DNAH11: variants seen among roughly 807,000 people sequenced by gnomAD.
DNAH11 encodes the protein dynein axonemal heavy chain 11, also known as axonemal beta dynein heavy chain 11.
DNAH11 carries 442 observed loss-of-function variants against 526.0 expected under a neutral mutation model. The observed-to-expected ratio is 0.84, with a 90% CI of 0.78 to 0.91. DNAH11 has a LOEUF of 0.91. DNAH11 is among the 40% of genes least tolerant of loss of function. DNAH11 has a pLI of 0.00. For synonymous variants in DNAH11, 2,461 were observed against 1,935.9 expected, an observed-to-expected ratio of 1.27 and a Z score of -7.12; for missense variants, 6,989 against 5,448.7, an observed-to-expected ratio of 1.28 and a Z score of -8.90.
chr7:21,648,426 C>G (rs562856865), intron 28 of DNAH11, among the ~76,000 whole-genome samples: 2 of 152,198 alleles, frequency 1.3e-5, no homozygotes, highest in Non-Finnish European at 2.9e-5. Flanking sequence ...TATATCATCA[C>G]TTGCCCTTTT....
chr7:21,775,770 C>T (rs1387701839), intron 56 of DNAH11, among the ~76,000 whole-genome samples: 2 of 152,102 alleles, frequency 1.3e-5, no homozygotes, highest in South Asian at 2.1e-4. Context: ...GAAAGATTTT[C>T]CCTGGAGTCC....
chr7:21,691,179 T>C lies in DNAH11; in HGVS notation c.6041+298T>C, dbSNP rs1262140839. 8.9e-5 allele frequency among the ~76,000 whole-genome samples: 6 copies of C among 67,592 alleles called. No homozygotes were observed. In the African/African-American group the frequency reaches 1.4e-3, roughly 15 times the overall value. 44.3% of individuals were successfully genotyped at this position (67,592 alleles called of 152,430 possible). A position where few individuals can be genotyped will look rare whatever the true frequency, so the allele number is the denominator to read the frequency against. On this transcript the variant is annotated intron_variant, in intron 35 of 81. Transcript: ENST00000409508. ...ATAATCTTTCATAATTTTTTTTTTC[T>C]TTTTTTTTTTTTAACAGTCAAAGTG...
chr7:21,842,834 A>T (rs1782268715), intron 66 of DNAH11, 86 bp downstream of exon 66: 5 of 1,187,664 alleles, frequency 4.2e-6, no homozygotes, highest in East Asian at 2.6e-5. Context: ...ATAAAATAGG[A>T]TTCCTGCCCT....
Position 21,581,960 on chromosome 7 carries a change from G to A in DNAH11, c.1649G>A (p.Arg550Lys). The A allele has an allele frequency of 1.2e-6, 2 of 1,613,362 alleles. No homozygotes were observed. The highest frequency in any genetic ancestry group is 1.7e-4 in the Middle Eastern group (1 of 6,038). ...TCCAAAACTCTGGAATTTGACAGAA[G>A]GCTTGGGACAATTATTTGTGAAGCT... ...FKSKTLEFDR[R>K]LGTIICEAFF... is the part of the protein sequence containing the mutation. Residue 550 changes from arginine to lysine, a missense_variant, in exon 9 of 82, where the codon AGG (arginine) becomes AAG (lysine). Transcript: ENST00000409508.
At position 21,901,806 on chromosome 7, in the gene DNAH11, A is replaced by C. The variant is rs1784881362; in HGVS notation, c.*552A>C. 1 of 164,550 alleles carries C rather than the reference A, an allele frequency of 6.1e-6. No homozygotes were observed. Among genetic ancestry groups the C allele is most frequent in the Non-Finnish European group, 1.3e-5 (1 of 74,670 alleles). The allele number at this position is 164,550 out of a possible 1,614,324, so 10.2% of individuals were successfully genotyped here. A position where few individuals can be genotyped will look rare whatever the true frequency, so the allele number is the denominator to read the frequency against. ...TTGATGGTCCCCTTTTGTTCAGTCA[A>C]GTTTTAATAAAAATAAAACTGTTCT... On this transcript the variant is annotated 3_prime_UTR_variant, in exon 82 of 82. Coordinates refer to ENST00000409508, the MANE Select transcript of DNAH11 (RefSeq NM_001277115.2).
At chr7:21,693,040 A>C (rs139992556) in intron 35 of DNAH11, among the ~76,000 whole-genome samples, 1 of 152,250 alleles carries the variant, frequency 6.6e-6, no homozygotes, top group East Asian at 1.9e-4. Context: ...TTTTTCTCTC[A>C]ATTTGTGGCT....
At position 21,687,065 on chromosome 7, in the gene DNAH11, A is replaced by C. The variant is rs776613699; in HGVS notation, c.5622-34A>C. The C allele has an allele frequency of 7.6e-6, 12 of 1,587,928 alleles. No homozygotes were observed. The South Asian group carries it at 1.2e-4, about 16-fold the overall frequency. ...TGATGTTTTATGAAAATCTCATATT[A>C]GACTGTGATGTTTGTGTTTTCTATT... On this transcript the variant is annotated intron_variant, in intron 32 of 81. Coordinates refer to ENST00000409508, the MANE Select transcript of DNAH11 (RefSeq NM_001277115.2).
intron 63 of DNAH11, among the ~76,000 whole-genome samples, chr7:21,811,293 C>G (rs997477604): frequency 3.3e-5 from 5 of 151,226 alleles, no homozygotes; most frequent in African/African-American, 7.3e-5. Context: ...TGAAACCCCC[C>G]CCCCTACTAA....
Position 21,750,294 on chromosome 7 carries a change from C to G in DNAH11, c.8870C>G (p.Ala2957Gly), listed in dbSNP as rs369875222. 6.4e-5 allele frequency: 103 copies of G among 1,605,162 alleles called. No homozygotes were observed. In the Middle Eastern group the frequency reaches 1.5e-3, roughly 23 times the overall value. The stretch of plus-strand genomic sequence containing the variant: ...TCTGGAATTCATAATGAAGTTCATG[C>G]TCTGGGCATGGTAGACTCCAGGGAA... ...IISGIHNEVHALGMVDSRENC... is the reference protein window; with the variant it reads ...IISGIHNEVHGLGMVDSRENC... The change falls in exon 54 of 82, where the codon GCT becomes GGT. Residue 2957 changes from alanine (A) to glycine (G), a missense_variant. Coordinates refer to ENST00000409508, the MANE Select transcript of DNAH11 (RefSeq NM_001277115.2).
chr7:21,732,453 A>T, intron 45 of DNAH11, among the ~76,000 whole-genome samples: 1 of 152,086 alleles, frequency 6.6e-6, no homozygotes, highest in Non-Finnish European at 1.5e-5. Flanking sequence ...TCACGACATG[A>T]ATGTTGGGGG....
intron 76 of DNAH11, among the ~76,000 whole-genome samples, chr7:21,891,278 A>G (rs1784317051): frequency 6.6e-6 from 1 of 152,228 alleles, no homozygotes; most frequent in African/African-American, 2.4e-5. Flanking sequence ...GACAAATCCC[A>G]TTTCAGAAAC....
intron 35 of DNAH11, among the ~76,000 whole-genome samples, chr7:21,697,277 G>A (rs141900444): frequency 1.6e-3 from 246 of 151,926 alleles, no homozygotes; most frequent in Non-Finnish European, 2.3e-3. Flanking sequence ...GGGACTTTTT[G>A]GAAGTCCCTC....
chr7:21,690,884 A>G lies in DNAH11; in HGVS notation c.6041+3A>G, dbSNP rs1783587832. ...GAAAATCTCAAAGCTCTTTTCAGGCAAGTGTTATGCTTTGTGGCTTAGCAT... is the reference window on the plus strand; with the variant it reads ...GAAAATCTCAAAGCTCTTTTCAGGCGAGTGTTATGCTTTGTGGCTTAGCAT... On this transcript the variant is annotated splice_donor_region_variant and intron_variant, in intron 35 of 81. Transcript: ENST00000409508. 6.2e-7 allele frequency: 1 copy of G among 1,607,610 alleles called. No individual in the cohort carries two copies. The highest frequency in any genetic ancestry group is 1.3e-5 in the African/African-American group (1 of 74,868).
At chr7:21,600,564 AT>A in intron 15 of DNAH11, 111 bp from the exon 16 acceptor site, 5 of 1,214,384 alleles carry the variant, frequency 4.1e-6, no homozygotes, top group Non-Finnish European at 5.5e-6. Flanking sequence ...ATGATTTTTA[AT>A]TTTTCTAACT....
At chr7:21,797,621 A>T (rs758387484) in intron 61 of DNAH11, among the ~76,000 whole-genome samples, 1 of 152,248 alleles carries the variant, frequency 6.6e-6, no homozygotes, top group Non-Finnish European at 1.5e-5. Flanking sequence ...CTGAATACAC[A>T]TAAAACAGTC....
chr7:21,673,946 G>A (rs779796873), intron 30 of DNAH11, among the ~76,000 whole-genome samples: 1 of 150,800 alleles, frequency 6.6e-6, no homozygotes, highest in South Asian at 2.1e-4. Flanking sequence ...TAGAAAACTT[G>A]GGCTGCTGTT....
At chr7:21,696,673 C>A (rs1783865624) in intron 35 of DNAH11, among the ~76,000 whole-genome samples, 2 of 152,120 alleles carry the variant, frequency 1.3e-5, no homozygotes, top group Admixed American at 1.3e-4. Flanking sequence ...AAGCATTACT[C>A]ATGTGTGGAG....
intron 37 of DNAH11, 109 bp downstream of exon 37, chr7:21,702,911 A>G (rs1178346372): frequency 6.3e-6 from 6 of 956,970 alleles, no homozygotes; most frequent in Non-Finnish European, 9.4e-6. Context: ...TTTAAAAAGC[A>G]TAACATCTGT....
In DNAH11 at chr7:21,892,792, A is replaced by G. The variant is rs72658824; in HGVS notation, c.12750+125A>G. ...GGTTTTACTCATACAACCACCACCTAGATCAAAATAACATTTCCAACACTC... is the reference window on the plus strand; with the variant it reads ...GGTTTTACTCATACAACCACCACCTGGATCAAAATAACATTTCCAACACTC... On this transcript the variant is annotated intron_variant, in intron 77 of 81. Coordinates refer to ENST00000409508, the MANE Select transcript of DNAH11 (RefSeq NM_001277115.2). 1,659 of 1,117,320 alleles carry G rather than the reference A, an allele frequency of 1.5e-3. 3 individuals carry two copies. Among genetic ancestry groups the G allele is most frequent in the Admixed American group, 3.8e-3 (135 of 35,882 alleles). The allele number at this position is 1,117,320 out of a possible 1,614,324, so 69.2% of individuals were successfully genotyped here.
Sources: allele counts gnomAD v4.1 joint callset (sites outside exome capture counted in the v4.1 genomes callset), GRCh38; gene constraint gnomAD v4.1.1; transcripts MANE v1.5; gene names NCBI Gene and HGNC (gene_info 2026-07-23, HGNC 2026-07-21).